CNIH3: variants seen among roughly 807,000 people sequenced by gnomAD.
The protein encoded by CNIH3 is cornichon family AMPA receptor auxiliary protein 3.
In CNIH3, 14 loss-of-function variants were observed where a neutral mutation model predicts 24.1. The ratio of observed to expected loss-of-function variants is 0.58; its 90% CI spans 0.38 to 0.91. The LOEUF (loss-of-function observed/expected upper bound fraction) is 0.91. Ranked by LOEUF, CNIH3 falls within the 40% of genes least tolerant of loss-of-function variation. The pLI, the probability that CNIH3 is intolerant of heterozygous loss-of-function variation, is 0.00. For missense variants in CNIH3, 178 were observed against 196.8 expected, an observed-to-expected ratio of 0.90 and a Z score of 0.57; for synonymous variants, 68 against 73.8, an observed-to-expected ratio of 0.92 and a Z score of 0.40.
intron 1 of CNIH3, among the ~76,000 whole-genome samples, chr1:224,444,940 G>A (rs1675088930): frequency 1.3e-5 from 2 of 149,964 alleles, no homozygotes; most frequent in East Asian, 1.9e-4. Context: ...ACCACGCCCG[G>A]CCCTTTTTTT....
upstream of CNIH3, among the ~76,000 whole-genome samples, chr1:224,614,792 C>G (rs983605614): frequency 6.6e-6 from 1 of 151,894 alleles, no homozygotes; most frequent in Non-Finnish European, 1.5e-5. Context: ...ACTAAAAATA[C>G]AAAGATTAGC....
chr1:224,455,274 G>A (rs1041101608), intron 1 of CNIH3, among the ~76,000 whole-genome samples: 1 of 152,156 alleles, frequency 6.6e-6, no homozygotes, highest in Middle Eastern at 3.2e-3. Flanking sequence ...TTGAAAAATT[G>A]TAAGCTGAAC....
At chr1:224,664,038 C>G (rs982350192) in intron 1 of CNIH3, among the ~76,000 whole-genome samples, 4 of 152,076 alleles carry the variant, frequency 2.6e-5, no homozygotes, top group African/African-American at 9.7e-5. Flanking sequence ...GGGAAGAAAG[C>G]TTTATTTGGG....
At chr1:224,648,484 AG>A (rs1173913333) in intron 1 of CNIH3, among the ~76,000 whole-genome samples, 1 of 151,976 alleles carries the variant, frequency 6.6e-6, no homozygotes, top group Non-Finnish European at 1.5e-5. Context: ...CAAAGAAAAG[AG>A]CACAAAGGGA....
chr1:224,667,930 C>A (rs1372774699), intron 1 of CNIH3, among the ~76,000 whole-genome samples: 3 of 152,146 alleles, frequency 2.0e-5, no homozygotes, highest in African/African-American at 7.2e-5. Flanking sequence ...TGGCCGCTCC[C>A]ATGGAGCCCT....
upstream of CNIH3, among the ~76,000 whole-genome samples, chr1:224,513,361 GGA>G (rs1390655461): frequency 5.8e-4 from 74 of 127,390 alleles, no homozygotes; most frequent in African/African-American, 2.0e-3. Context: ...GGTGGGGGTG[GGA>G]GGGGGGGGGT....
At chr1:224,673,284 C>A (rs890461810) in intron 1 of CNIH3, among the ~76,000 whole-genome samples, 1 of 152,172 alleles carries the variant, frequency 6.6e-6, no homozygotes, top group Non-Finnish European at 1.5e-5. Flanking sequence ...AATAGATGGG[C>A]TAAATGGCTT....
intron 1 of CNIH3, among the ~76,000 whole-genome samples, chr1:224,501,806 C>G (rs1457746782): frequency 6.6e-6 from 1 of 152,084 alleles, no homozygotes. Context: ...GTCTCAAACT[C>G]CTGAGCTCAG....
intron 1 of CNIH3, chr1:224,520,953 G>C (rs1020446502): frequency 6.6e-6 from 1 of 152,168 alleles, no homozygotes; most frequent in African/African-American, 2.4e-5. Context: ...ATGTCGTCAG[G>C]GCACTAACTT....
intron 3 of CNIH3, among the ~76,000 whole-genome samples, chr1:224,606,373 G>A (rs1558203963): frequency 6.6e-6 from 1 of 152,130 alleles, no homozygotes; most frequent in Non-Finnish European, 1.5e-5. Flanking sequence ...GGCTCTTAGT[G>A]GGATGGGGAG....
intron 1 of CNIH3, among the ~76,000 whole-genome samples, chr1:224,440,981 TA>T (rs1674884587): frequency 6.6e-6 from 1 of 152,114 alleles, no homozygotes; most frequent in African/African-American, 2.4e-5. Context: ...CATGCCCGGC[TA>T]ATTTTTTGTA....
Position 224,739,295 on chromosome 1 carries a change from CTTTTTTTTTTTTTTT to C in CNIH3, c.456-23_456-9del, listed in dbSNP as rs11342205. The C allele has an allele frequency of 2.2e-6, 3 of 1,342,518 alleles. No individual in the cohort carries two copies. Among genetic ancestry groups the C allele is most frequent in the African/African-American group, 2.5e-5 (1 of 39,728 alleles). 83.2% of individuals were successfully genotyped at this position (1,342,518 alleles called of 1,614,324 possible). A position where few individuals can be genotyped will look rare whatever the true frequency, so the allele number is the denominator to read the frequency against. On this transcript the variant is annotated intron_variant, in intron 5 of 5. Coordinates refer to ENST00000272133, the MANE Select transcript of CNIH3 (RefSeq NM_152495.2). ...TGGGCTTCTACTAACACCTTCCTCT[CTTTTTTTTTTTTTTT>C]TTTTTTTTTTGCATTCAGCATGATC...
chr1:224,646,942 G>C (rs1684633755), intron 1 of CNIH3, among the ~76,000 whole-genome samples: 1 of 152,186 alleles, frequency 6.6e-6, no homozygotes, highest in African/African-American at 2.4e-5. Flanking sequence ...TAGCTCAAGA[G>C]AGGAATGAGA....
Position 224,616,912 on chromosome 1 carries a change from T to A in CNIH3, c.-263T>A. 7.6e-7 allele frequency: 1 copy of A among 1,309,424 alleles called. No homozygotes were observed. The highest frequency in any genetic ancestry group is 9.7e-7 in the Non-Finnish European group (1 of 1,032,432). The allele number at this position is 1,309,424 out of a possible 1,614,324, so 81.1% of individuals were successfully genotyped here. A position where few individuals can be genotyped will look rare whatever the true frequency, so the allele number is the denominator to read the frequency against. On this transcript the variant is annotated 5_prime_UTR_variant, in exon 1 of 6. It adds an upstream start codon to the 5' untranslated region. Transcript: ENST00000272133. The stretch of plus-strand genomic sequence containing the variant: ...CTGCTGATTTGGTTTCTTCTTCGAT[T>A]TGCGGACGGTTCCCTCCAGCGACTC...
chr1:224,510,077 G>A lies in CNIH3; in HGVS notation n.204-5664G>A, dbSNP rs928038323. ...GCAGTGTGGACCTCGTGGCTCTACC[G>A]CTGGCCTGCACTTCTCATCCTGCCT... On this transcript the variant is annotated intron_variant and non_coding_transcript_variant, in intron 1 of 5. Coordinates refer to the CNIH3 transcript ENST00000471578. Among the ~76,000 whole-genome samples, 5 of 151,638 alleles carry A rather than the reference G, an allele frequency of 3.3e-5. 1 individual carries two copies. Among genetic ancestry groups the A allele is most frequent in the Admixed American group, 1.3e-4 (2 of 15,230 alleles).
chr1:224,448,639 C>T (rs949098736), intron 1 of CNIH3, among the ~76,000 whole-genome samples: 4 of 152,140 alleles, frequency 2.6e-5, no homozygotes, highest in Admixed American at 2.0e-4. Flanking sequence ...TGTGTGCCTC[C>T]CAAAATGGCC....
upstream of CNIH3, among the ~76,000 whole-genome samples, chr1:224,512,679 A>G (rs1179170452): frequency 6.6e-6 from 1 of 152,178 alleles, no homozygotes; most frequent in African/African-American, 2.4e-5. Flanking sequence ...AAAAGAAAGA[A>G]CACATTTGTA....
At chr1:224,582,960 T>C (rs562805097) in intron 4 of CNIH3, among the ~76,000 whole-genome samples, 32 of 152,316 alleles carry the variant, frequency 2.1e-4, no homozygotes, top group African/African-American at 7.7e-4. Flanking sequence ...GCACACAGCA[T>C]GTGCTGGGAG....
At chr1:224,503,479 CA>C (rs1677769299) in intron 1 of CNIH3, among the ~76,000 whole-genome samples, 1 of 152,204 alleles carries the variant, frequency 6.6e-6, no homozygotes, top group African/African-American at 2.4e-5. Context: ...GGCTCCCCTG[CA>C]GGAGGAGGGC....
Sources: allele counts gnomAD v4.1 joint callset (sites outside exome capture counted in the v4.1 genomes callset), GRCh38; gene constraint gnomAD v4.1.1; transcripts MANE v1.5; gene names NCBI Gene and HGNC (gene_info 2026-07-23, HGNC 2026-07-21).